RSPO1: variants seen among roughly 807,000 people sequenced by gnomAD.
RSPO1 encodes R-spondin 1, also known as R-spondin-1.
In RSPO1, 18 loss-of-function variants were observed where a neutral mutation model predicts 26.0. That is an observed-to-expected ratio of 0.69 (90% CI 0.48 to 1.03). RSPO1 has a LOEUF of 1.03. Ranked by LOEUF, RSPO1 falls within the 50% of genes least tolerant of loss-of-function variation. The pLI, the probability that RSPO1 is intolerant of heterozygous loss-of-function variation, is 0.00. For synonymous variants in RSPO1, 133 were observed against 137.4 expected, an observed-to-expected ratio of 0.97 and a Z score of 0.22; for missense variants, 309 against 352.3, an observed-to-expected ratio of 0.88 and a Z score of 0.98.
chr1:37,630,661 G>C (rs566441620), intron 2 of RSPO1, among the ~76,000 whole-genome samples: 11 of 152,340 alleles, frequency 7.2e-5, no homozygotes. Context: ...TGGGGTGATG[G>C]GGGCAGGGGA....
intron 2 of RSPO1, chr1:37,631,889 T>C (rs1644365489): frequency 1.3e-5 from 2 of 152,252 alleles, no homozygotes; most frequent in African/African-American, 4.8e-5. Flanking sequence ...TGCATTTATC[T>C]TTATGGTTGA....
intron 3 of RSPO1, among the ~76,000 whole-genome samples, chr1:37,623,514 G>A (rs1644232930): frequency 6.6e-6 from 1 of 152,044 alleles, no homozygotes; most frequent in Admixed American, 6.5e-5. Flanking sequence ...GAAGCCTAGG[G>A]GAGGAGGGTG....
rs549249245 is a variant in RSPO1 at position 37,614,095 on chromosome 1, C to T, written c.436+89G>A. On this transcript the variant is annotated intron_variant, in intron 5 of 6. Coordinates refer to ENST00000356545, the MANE Select transcript of RSPO1 (RefSeq NM_001242908.2). Reference sequence around the variant, plus strand: ...GGGTAAGCTCTCCCTGCACAGTGCCCCAGCCCACCCGCTCTCTTGCCAGAC... The same window carrying T: ...GGGTAAGCTCTCCCTGCACAGTGCCTCAGCCCACCCGCTCTCTTGCCAGAC... 6.7e-6 allele frequency: 10 copies of T among 1,491,350 alleles called. No individual in the cohort carries two copies. The African/African-American group carries it at 9.7e-5, about 14-fold the overall frequency. The allele number at this position is 1,491,350 out of a possible 1,614,324, so 92.4% of individuals were successfully genotyped here.
At chr1:37,616,424 C>A (rs1644112814) in intron 4 of RSPO1, 60 bp downstream of exon 4, 4 of 1,542,308 alleles carry the variant, frequency 2.6e-6, no homozygotes, top group Non-Finnish European at 3.6e-6. Context: ...GTTCAAAGCA[C>A]TCTCCCCCAG....
intron 3 of RSPO1, among the ~76,000 whole-genome samples, chr1:37,626,120 G>T (rs557340140): frequency 3.9e-4 from 60 of 152,076 alleles, no homozygotes; most frequent in Non-Finnish European, 7.5e-4. Context: ...AGCCTCAGTA[G>T]CTCCTCACCC....
intron 3 of RSPO1, among the ~76,000 whole-genome samples, chr1:37,628,773 A>G (rs1644314912): frequency 6.6e-6 from 1 of 152,244 alleles, no homozygotes; most frequent in African/African-American, 2.4e-5. Flanking sequence ...GCCCACAGGC[A>G]TTGGGAGACC....
intron 4 of RSPO1, 110 bp from the exon 5 acceptor site, chr1:37,614,443 A>C: frequency 7.9e-7 from 1 of 1,264,826 alleles, no homozygotes; most frequent in Non-Finnish European, 1.1e-6. Flanking sequence ...CATGGAGGGC[A>C]GGACCCTGGC....
chr1:37,620,031 G>A (rs1644177202), intron 3 of RSPO1, among the ~76,000 whole-genome samples: 1 of 152,140 alleles, frequency 6.6e-6, no homozygotes, highest in African/African-American at 2.4e-5. Context: ...TTACAGGCGT[G>A]AGCCACCCCT....
At chr1:37,618,210 C>A (rs1312720312) in intron 3 of RSPO1, among the ~76,000 whole-genome samples, 1 of 152,164 alleles carries the variant, frequency 6.6e-6, no homozygotes, top group Non-Finnish European at 1.5e-5. Flanking sequence ...AACTTGATTC[C>A]CCCAACTATG....
At chr1:37,616,387 C>T (rs1392388934) in intron 4 of RSPO1, 97 bp downstream of exon 4, 3 of 1,161,584 alleles carry the variant, frequency 2.6e-6, no homozygotes, top group Non-Finnish European at 3.8e-6. Context: ...TCAGAGCCCC[C>T]TCTGCTCCTC....
At chr1:37,633,957 G>A (rs1644399053) in intron 1 of RSPO1, among the ~76,000 whole-genome samples, 2 of 152,186 alleles carry the variant, frequency 1.3e-5, no homozygotes, top group Non-Finnish European at 2.9e-5. Context: ...GAAAACTCCT[G>A]CCCCCAAGCA....
chr1:37,623,934 G>T (rs1352080017), intron 3 of RSPO1, among the ~76,000 whole-genome samples: 1 of 151,382 alleles, frequency 6.6e-6, no homozygotes, highest in Non-Finnish European at 1.5e-5. Context: ...TGATTTTTTT[G>T]TATCTTTAGT....
At position 37,616,691 on chromosome 1, in the gene RSPO1, A is replaced by T. The variant is rs1644118355; in HGVS notation, c.95-16T>A. 6.2e-7 allele frequency: 1 copy of T among 1,612,428 alleles called. No homozygotes were observed. On this transcript the variant is annotated splice_polypyrimidine_tract_variant and intron_variant, in intron 3 of 6. Transcript: ENST00000356545. The stretch of plus-strand genomic sequence containing the variant: ...TCGGCACTGACTGCAAAGGTGGAGC[A>T]GGCATGAGAAGGCGGCTGTGGAGAG...
rs1644073831 is a variant in RSPO1, at chr1:37,614,208, C to T, written c.412G>A (p.Gly138Ser). 2 of 1,613,234 alleles carry T rather than the reference C, an allele frequency of 1.2e-6. No individual in the cohort carries two copies. Among genetic ancestry groups the T allele is most frequent in the African/African-American group, 1.3e-5 (1 of 75,030 alleles). ...ACPEGSSAANGTMECSSPAQC... is the reference protein window; with the variant it reads ...ACPEGSSAANSTMECSSPAQC... ...CCAGGACTACTGCACTCCATGGTGC[C>T]ATTGGCAGCTGAGGAGCCCTCGGGA... The change falls in exon 5 of 7, where the codon GGC becomes AGC. Residue 138 changes from glycine to serine, a missense_variant. Transcript: ENST00000356545.
rs1448647818 is a variant in RSPO1, at chr1:37,613,692, G to A, written c.625+12C>T. On this transcript the variant is annotated intron_variant, in intron 6 of 6. Coordinates refer to ENST00000356545, the MANE Select transcript of RSPO1 (RefSeq NM_001242908.2). This position sits in a 1 kb window ranked among gnomAD's most constrained non-coding sequence, Gnocchi z 4.5. ...GAGCCCTGACCCCAGGGAGGCAGAG[G>A]CTGCAGCTCACCCTCAGGACACGGC... is the stretch of plus-strand genomic sequence containing the variant. 6.2e-7 allele frequency: 1 copy of A among 1,608,776 alleles called. No homozygotes were observed. The highest frequency in any genetic ancestry group is 1.1e-5 in the South Asian group (1 of 90,838).
At chr1:37,628,823 T>C (rs1299799100) in intron 3 of RSPO1, among the ~76,000 whole-genome samples, 1 of 152,260 alleles carries the variant, frequency 6.6e-6, no homozygotes, top group African/African-American at 2.4e-5. Context: ...GACCTGTTTC[T>C]TCCCCTTTCT....
At chr1:37,618,238 A>G (rs1644146624) in intron 3 of RSPO1, among the ~76,000 whole-genome samples, 1 of 152,238 alleles carries the variant, frequency 6.6e-6, no homozygotes, top group African/African-American at 2.4e-5. Context: ...GAATGTGGAG[A>G]AAGGCTACTG....
At chr1:37,626,136 A>T (rs1644273191) in intron 3 of RSPO1, among the ~76,000 whole-genome samples, 1 of 152,016 alleles carries the variant, frequency 6.6e-6, no homozygotes, top group African/African-American at 2.4e-5. Context: ...CACCCACTGT[A>T]GCTGGAGTCA....
Position 37,614,375 on chromosome 1 carries a change from G to A in RSPO1, c.287-42C>T, listed in dbSNP as rs751682012. The A allele has an allele frequency of 4.3e-6, 7 of 1,611,542 alleles. No homozygotes were observed. In the African/African-American group the frequency reaches 8.0e-5, roughly 18 times the overall value. On this transcript the variant is annotated intron_variant, in intron 4 of 6. Transcript: ENST00000356545. ...TTGGGGGCTTCTGGCCCAGCCTGGT[G>A]AGAATGTTTCCCCTCATCCCCAGCC...
Sources: allele counts gnomAD v4.1 joint callset (sites outside exome capture counted in the v4.1 genomes callset), GRCh38; gene constraint gnomAD v4.1.1; non-coding constraint Gnocchi (gnomAD v3.1); transcripts MANE v1.5; gene names NCBI Gene and HGNC (gene_info 2026-07-23, HGNC 2026-07-21).